MYCBP2: variants seen among roughly 807,000 people sequenced by gnomAD.
MYCBP2 encodes the protein MYC binding protein 2.
A neutral mutation model predicts 525.3 loss-of-function variants in MYCBP2; 120 were observed. The observed-to-expected ratio is 0.23, with a 90% CI of 0.20 to 0.27. The LOEUF (loss-of-function observed/expected upper bound fraction) is 0.27. Among genes scored for constraint, MYCBP2 ranks in the 10% least tolerant of loss-of-function variants. The pLI is 1.00. For synonymous variants in MYCBP2, 1,894 were observed against 1,955.8 expected (o/e 0.97, Z 0.83); for missense variants, 4,149 against 5,657.1 (o/e 0.73, Z 8.55).
At chr13:77,070,732 A>AG (rs2041067450) in intron 68 of MYCBP2, 21 bp from the exon 69 acceptor site, 1 of 1,524,638 alleles carries the variant, frequency 6.6e-7, no homozygotes, top group Non-Finnish European at 8.9e-7. Flanking sequence ...AAAAAGAAAA[A>AG]AAAAAAAAAG....
intron 26 of MYCBP2, among the ~76,000 whole-genome samples, chr13:77,201,526 C>G (rs1193253380): frequency 6.6e-6 from 1 of 152,080 alleles, no homozygotes; most frequent in East Asian, 1.9e-4. Flanking sequence ...TTGAACTCAG[C>G]TCTGCACCAA....
rs779757790 is a variant in MYCBP2, at chr13:77,045,450, A to G, written c.13965T>C (p.His4655=). 1 of 1,614,024 alleles carries G rather than the reference A, an allele frequency of 6.2e-7. No homozygotes were observed. Among genetic ancestry groups the G allele is most frequent in the Non-Finnish European group, 8.5e-7 (1 of 1,180,012 alleles). ...CTTCCCCAGTGGGTGGATGAACAAC[A>G]TGGAGTGGACATTCAGTTCCTTCTA... ...KQLEGTECPL[H]VVHPPTGEEF... The change falls in exon 83 of 83, where the codon CAT becomes CAC. Residue 4655 remains histidine, a synonymous_variant. Transcript: ENST00000544440.
chr13:77,089,164 C>T, intron 60 of MYCBP2, 133 bp from the exon 61 acceptor site: 1 of 648,278 alleles, frequency 1.5e-6, no homozygotes, highest in South Asian at 2.8e-5. Flanking sequence ...ACAATTTCAA[C>T]TTTTACTGAG....
chr13:77,050,860 G>A (rs1432424298), intron 82 of MYCBP2, 137 bp downstream of exon 82: 1 of 723,248 alleles, frequency 1.4e-6, no homozygotes, highest in East Asian at 2.8e-5. Context: ...AGCTTACAAG[G>A]ATCAAGGAAT....
intron 24 of MYCBP2, among the ~76,000 whole-genome samples, chr13:77,206,010 A>G (rs959221565): frequency 3.3e-5 from 5 of 152,310 alleles, no homozygotes; most frequent in African/African-American, 1.2e-4. Context: ...GAGAAAAAAG[A>G]AACAAAGAGT....
chr13:77,112,319 A>G (rs1318022428), intron 55 of MYCBP2, among the ~76,000 whole-genome samples: 5 of 146,430 alleles, frequency 3.4e-5, no homozygotes, highest in African/African-American at 1.2e-4. Flanking sequence ...TATTTTATAT[A>G]TAATGTTTTA....
At chr13:77,125,015 T>C (rs1311497495) in intron 54 of MYCBP2, among the ~76,000 whole-genome samples, 1 of 152,164 alleles carries the variant, frequency 6.6e-6, no homozygotes, top group Non-Finnish European at 1.5e-5. Flanking sequence ...CATTTTATTA[T>C]AGAAGGGATA....
At chr13:77,062,251 T>A (rs1319549993) in intron 74 of MYCBP2, among the ~76,000 whole-genome samples, 2 of 152,226 alleles carry the variant, frequency 1.3e-5, no homozygotes, top group Non-Finnish European at 2.9e-5. Flanking sequence ...TGTTATTGCT[T>A]TATTTCCTTC....
At chr13:77,228,388 T>C (rs950426091) in intron 18 of MYCBP2, among the ~76,000 whole-genome samples, 5 of 151,674 alleles carry the variant, frequency 3.3e-5, no homozygotes, top group African/African-American at 9.7e-5. Context: ...ATACCTGCAG[T>C]CCCAGCTACT....
intron 52 of MYCBP2, among the ~76,000 whole-genome samples, chr13:77,127,448 C>G (rs2051882746): frequency 6.6e-6 from 1 of 151,682 alleles, no homozygotes; most frequent in Non-Finnish European, 1.5e-5. Flanking sequence ...ATAAAGGGTC[C>G]ACACTGGGTG....
intron 20 of MYCBP2, among the ~76,000 whole-genome samples, chr13:77,223,907 TAAA>T (rs67087305): frequency 0.068 from 10,367 of 152,144 alleles, 561 homozygotes; most frequent in African/African-American, 0.14. Context: ...GAACTAAAAC[TAAA>T]ACTAAAACAA....
intron 72 of MYCBP2, 131 bp downstream of exon 72, chr13:77,065,861 G>T: frequency 1.8e-6 from 1 of 545,484 alleles, no homozygotes. Context: ...CAGCATGATA[G>T]TTAACATACT....
chr13:77,163,666 AAAATT>A (rs1275058283), intron 43 of MYCBP2, among the ~76,000 whole-genome samples: 1 of 152,166 alleles, frequency 6.6e-6, no homozygotes. Flanking sequence ...GCTTCAATGA[AAAATT>A]CTTCTAAAGA....
intron 68 of MYCBP2, 69 bp from the exon 69 acceptor site, chr13:77,070,780 A>G: frequency 1.0e-6 from 1 of 960,170 alleles, no homozygotes; most frequent in Non-Finnish European, 1.5e-6. Context: ...TGTATATGTG[A>G]TATTTCAAAG....
chr13:77,288,069 AAGCAAAGTATTTT>A (rs1246275642), intron 3 of MYCBP2, 79 bp downstream of exon 3: 3 of 1,289,554 alleles, frequency 2.3e-6, no homozygotes, highest in Non-Finnish European at 3.2e-6. Flanking sequence ...ATTTTACATA[AAGCAAAGTATTTT>A]AGCAATGCGT....
Position 77,081,989 on chromosome 13 carries a change from AG to A in MYCBP2, c.11040del (p.Trp3681GlyfsTer49). 1 of 1,612,912 alleles carries A rather than the reference AG, an allele frequency of 6.2e-7. No individual in the cohort carries two copies. The highest frequency in any genetic ancestry group is 8.5e-7 in the Non-Finnish European group (1 of 1,179,448). ...GSSLQQMALR[C>X]WSLKFKQSDH... ...TCAGATTGCTTGAATTTGAGACTCC[AG>A]CACCTAAAAAGGCGATATATAAGCA... On this transcript the variant is annotated frameshift_variant, in exon 64 of 83. Transcript: ENST00000544440. LOFTEE classifies it high-confidence loss of function. The surrounding 1 kb of genome is among the most constrained non-coding windows in gnomAD (Gnocchi z 4.6).
At chr13:77,294,317 A>G (rs2077943351) in intron 2 of MYCBP2, among the ~76,000 whole-genome samples, 1 of 151,576 alleles carries the variant, frequency 6.6e-6, no homozygotes, top group Non-Finnish European at 1.5e-5. Flanking sequence ...CATGAGCAAA[A>G]AATGCCTCTT....
Position 77,225,676 on chromosome 13 carries a change from C to G in MYCBP2, c.2738-122G>C, listed in dbSNP as rs2066155616. ...GTTAAAAGGAACAAGCAAGAAGAAT[C>G]TGTAGCTGTTAGAAGTGATAGATCA... is the stretch of plus-strand genomic sequence containing the variant. On this transcript the variant is annotated intron_variant, in intron 18 of 82. Transcript: ENST00000544440. 4.0e-6 allele frequency: 5 copies of G among 1,260,904 alleles called. No individual in the cohort carries two copies. In the South Asian group the frequency reaches 7.6e-5, roughly 19 times the overall value. The allele number at this position is 1,260,904 out of a possible 1,614,324, so 78.1% of individuals were successfully genotyped here. A position where few individuals can be genotyped will look rare whatever the true frequency, so the allele number is the denominator to read the frequency against.
At chr13:77,279,781 C>T (rs2075999905) in intron 3 of MYCBP2, among the ~76,000 whole-genome samples, 1 of 152,184 alleles carries the variant, frequency 6.6e-6, no homozygotes, top group African/African-American at 2.4e-5. Context: ...ATACTAGACC[C>T]TGTCCTCTAA....
Sources: gnomAD v4.1 joint callset for allele counts (sites outside exome capture counted in the v4.1 genomes callset) on GRCh38, gnomAD v4.1.1 for gene constraint, Gnocchi (gnomAD v3.1) non-coding constraint, MANE v1.5 for transcripts, NCBI Gene and HGNC (gene_info 2026-07-23, HGNC 2026-07-21) for gene names.